AGK: variants seen among roughly 807,000 people sequenced by gnomAD.
The protein encoded by AGK is acylglycerol kinase, mitochondrial.
Under a neutral mutation model 66.4 loss-of-function variants are expected in AGK, and 52 were observed. The ratio of observed to expected loss-of-function variants is 0.78; its 90% CI spans 0.63 to 0.99. The LOEUF (loss-of-function observed/expected upper bound fraction) is 0.99. Among genes scored for constraint, AGK ranks in the 50% least tolerant of loss-of-function variants. The probability of loss-of-function intolerance (pLI) is 0.00; values close to 1 mark genes in which losing one functional copy is unlikely to be tolerated. For missense variants in AGK, 451 were observed against 506.6 expected (o/e 0.89, Z 1.05); for synonymous variants, 182 against 181.1 (o/e 1.00, Z -0.04).
intron 5 of AGK, among the ~76,000 whole-genome samples, chr7:141,605,555 C>T (rs995807831): frequency 6.6e-6 from 1 of 152,240 alleles, no homozygotes; most frequent in Non-Finnish European, 1.5e-5. Flanking sequence ...TTTATTGATG[C>T]ATCAAAGATG....
intron 1 of AGK, among the ~76,000 whole-genome samples, chr7:141,552,024 C>T (rs375607904): frequency 6.6e-6 from 1 of 152,312 alleles, no homozygotes; most frequent in South Asian, 2.1e-4. Flanking sequence ...TTCAACCAGT[C>T]ACCCAAGCAC....
At position 141,593,198 on chromosome 7, in the gene AGK, A is replaced by G; in HGVS notation, c.141+13A>G. On this transcript the variant is annotated intron_variant, in intron 3 of 15. Coordinates refer to ENST00000649286, the MANE Select transcript of AGK (RefSeq NM_018238.4). ...TCAAGAAGCTCAGGTAATACTACTTAATGTGATAAAATTAAGCCCCTCCTT... is the reference window on the plus strand; with the variant it reads ...TCAAGAAGCTCAGGTAATACTACTTGATGTGATAAAATTAAGCCCCTCCTT... 6.2e-7 allele frequency: 1 copy of G among 1,611,066 alleles called. No homozygotes were observed. Among genetic ancestry groups the G allele is most frequent in the East Asian group, 2.2e-5 (1 of 44,852 alleles).
chr7:141,654,122 A>C lies in AGK; in HGVS notation c.*1198A>C, dbSNP rs1174305612. ...CCCCATTACTTCTTGTCAACAAAAAATATAAATGGAAATTTTTTTTTTAGC... is the reference window on the plus strand; with the variant it reads ...CCCCATTACTTCTTGTCAACAAAAACTATAAATGGAAATTTTTTTTTTAGC... On this transcript the variant is annotated 3_prime_UTR_variant, in exon 16 of 16. Coordinates refer to ENST00000649286, the MANE Select transcript of AGK (RefSeq NM_018238.4). 6.6e-6 allele frequency: 1 copy of C among 152,204 alleles called. No individual in the cohort carries two copies. The highest frequency in any genetic ancestry group is 1.5e-5 in the Non-Finnish European group (1 of 68,038). 9.4% of individuals were successfully genotyped at this position (152,204 alleles called of 1,614,324 possible). A position where few individuals can be genotyped will look rare whatever the true frequency, so the allele number is the denominator to read the frequency against.
chr7:141,626,910 T>A (rs1796949986), intron 9 of AGK, among the ~76,000 whole-genome samples: 1 of 152,170 alleles, frequency 6.6e-6, no homozygotes, highest in Admixed American at 6.6e-5. Context: ...GACAGTGGTG[T>A]TATGGTTAAG....
At chr7:141,620,366 C>T (rs960773870) in intron 8 of AGK, among the ~76,000 whole-genome samples, 2 of 152,154 alleles carry the variant, frequency 1.3e-5, no homozygotes, top group Non-Finnish European at 2.9e-5. Context: ...AAAGAAGTTA[C>T]ACTTCCAGTT....
intron 5 of AGK, among the ~76,000 whole-genome samples, chr7:141,604,374 G>GTATATATATATATATATATATATATA (rs368893843): frequency 8.8e-6 from 1 of 113,826 alleles, no homozygotes; most frequent in South Asian, 2.9e-4. Flanking sequence ...GTGTGTGTGT[G>GTATATATATATATATATATATATATA]TATATATATA....
At chr7:141,637,893 A>G (rs1797207581) in intron 11 of AGK, among the ~76,000 whole-genome samples, 1 of 152,226 alleles carries the variant, frequency 6.6e-6, no homozygotes, top group Non-Finnish European at 1.5e-5. Flanking sequence ...AACTACTAGA[A>G]GTAAATGTAT....
At chr7:141,652,757 G>C (rs771940540) in intron 15 of AGK, 30 bp from the exon 16 acceptor site, 2 of 1,611,184 alleles carry the variant, frequency 1.2e-6, no homozygotes, top group South Asian at 2.2e-5. Context: ...TGATGTGTTT[G>C]AGCTGTTCTG....
chr7:141,634,014 T>C (rs752272244), intron 10 of AGK, 34 bp downstream of exon 10: 1 of 1,568,160 alleles, frequency 6.4e-7, no homozygotes, highest in South Asian at 1.1e-5. Flanking sequence ...GTGATGTTTT[T>C]TAAAAAAATC....
rs148841812 is a variant in AGK, at chr7:141,630,539, AAAT to A, written c.589-3355_589-3353del. Among the ~76,000 whole-genome samples the A allele has an allele frequency of 8.4e-3, 1,280 of 152,284 alleles. 18 individuals carry two copies. Among genetic ancestry groups the A allele is most frequent in the African/African-American group, 0.029 (1,218 of 41,548 alleles). Reference sequence around the variant, plus strand: ...TATACAAGTGTGATTTATCAATTAAAAATAATAATTTATGTTTTGTTTTAAAAT... The same window carrying A: ...TATACAAGTGTGATTTATCAATTAAAAATAATTTATGTTTTGTTTTAAAAT... On this transcript the variant is annotated intron_variant, in intron 9 of 15. Coordinates refer to ENST00000649286, the MANE Select transcript of AGK (RefSeq NM_018238.4).
At position 141,654,446 on chromosome 7, in the gene AGK, A is replaced by G. The variant is rs1797640645; in HGVS notation, c.*1522A>G. On this transcript the variant is annotated 3_prime_UTR_variant, in exon 16 of 16. Transcript: ENST00000649286. Reference sequence around the variant, plus strand: ...CTTTGGATTCCTTTGGCATTTTGACAAAGATCACAGTGCTCTATCATCAAG... The same window carrying G: ...CTTTGGATTCCTTTGGCATTTTGACGAAGATCACAGTGCTCTATCATCAAG... 6.6e-6 allele frequency: 1 copy of G among 152,230 alleles called. No individual in the cohort carries two copies. Among genetic ancestry groups the G allele is most frequent in the South Asian group, 2.1e-4 (1 of 4,830 alleles). The allele number at this position is 152,230 out of a possible 1,614,324, so 9.4% of individuals were successfully genotyped here.
chr7:141,609,604 A>T lies in AGK; in HGVS notation c.298-1591A>T, dbSNP rs150063220. ...TGCTTCCAGCCTGGAAGCTCCTCAC[A>T]CTCCATTGCTTAGGAAGGTTCCCTT... On this transcript the variant is annotated intron_variant, in intron 5 of 15. Coordinates refer to ENST00000649286, the MANE Select transcript of AGK (RefSeq NM_018238.4). Among the ~76,000 whole-genome samples, 207 of 151,976 alleles carry T rather than the reference A, an allele frequency of 1.4e-3. 2 individuals carry two copies. Among genetic ancestry groups the T allele is most frequent in the African/African-American group, 4.8e-3 (199 of 41,476 alleles).
intron 2 of AGK, among the ~76,000 whole-genome samples, chr7:141,578,016 A>G (rs918046343): frequency 3.3e-5 from 5 of 151,782 alleles, no homozygotes; most frequent in South Asian, 2.1e-4. Context: ...GGATTTCACT[A>G]TGTTGGCCAG....
chr7:141,616,075 C>G (rs1796695620), intron 8 of AGK: 1 of 152,286 alleles, frequency 6.6e-6, no homozygotes, highest in African/African-American at 2.4e-5. Context: ...CAGTGTAGCT[C>G]TGACATCTAA....
intron 2 of AGK, among the ~76,000 whole-genome samples, chr7:141,582,137 C>T (rs558167998): frequency 1.1e-4 from 17 of 151,698 alleles, no homozygotes; most frequent in South Asian, 1.0e-3. Flanking sequence ...AGCCTTGGGC[C>T]GGTTGGACAG....
At chr7:141,606,109 T>C (rs1375359520) in intron 5 of AGK, among the ~76,000 whole-genome samples, 1 of 152,240 alleles carries the variant, frequency 6.6e-6, no homozygotes, top group Non-Finnish European at 1.5e-5. Flanking sequence ...TACTTGTTCA[T>C]TTGTTTATTC....
intron 2 of AGK, among the ~76,000 whole-genome samples, chr7:141,574,794 G>GA (rs1364765887): frequency 6.6e-6 from 1 of 152,234 alleles, no homozygotes; most frequent in East Asian, 1.9e-4. Context: ...TAGAAGTGTA[G>GA]AGTACAGTGG....
At position 141,652,622 on chromosome 7, in the gene AGK, A is replaced by G. The variant is rs986489407; in HGVS notation, c.1132-165A>G. The G allele has an allele frequency of 5.8e-5, 35 of 600,954 alleles. No individual in the cohort carries two copies. The South Asian group carries it at 7.1e-4, about 12-fold the overall frequency. The allele number at this position is 600,954 out of a possible 1,614,324, so 37.2% of individuals were successfully genotyped here. ...TGTTTCCAGAACCAGCACTGTGCCC[A>G]TCGTAGTAGGCACTGAATTTTTTTT... is the stretch of plus-strand genomic sequence containing the variant. On this transcript the variant is annotated intron_variant, in intron 15 of 15. Transcript: ENST00000649286.
At chr7:141,632,832 A>C (rs1397687079) in intron 9 of AGK, among the ~76,000 whole-genome samples, 1 of 152,248 alleles carries the variant, frequency 6.6e-6, no homozygotes, top group Admixed American at 6.5e-5. Context: ...ATGAGAGGCC[A>C]GCATCCTTTC....
Sources: allele counts gnomAD v4.1 joint callset (sites outside exome capture counted in the v4.1 genomes callset), GRCh38; gene constraint gnomAD v4.1.1; transcripts MANE v1.5; gene names NCBI Gene and HGNC (gene_info 2026-07-23, HGNC 2026-07-21).